The following SP140 variants were observed in gnomAD, a reference collection of about 807,000 sequenced individuals.
SP140 encodes the protein SP140 nuclear body protein.
SP140 carries 81 observed loss-of-function variants against 125.0 expected under a neutral mutation model. The ratio of observed to expected loss-of-function variants is 0.65; its 90% confidence interval spans 0.54 to 0.78. SP140 has a LOEUF of 0.78. Among genes scored for constraint, SP140 ranks in the 30% least tolerant of loss-of-function variants. The pLI, the probability that SP140 is intolerant of heterozygous loss-of-function variation, is 0.00. For missense variants in SP140, 858 were observed against 1,037.0 expected (o/e 0.83, Z 2.37); for synonymous variants, 312 against 354.0 (o/e 0.88, Z 1.33).
At chr2:230,232,866 A>G (rs945459207) in intron 1 of SP140, among the ~76,000 whole-genome samples, 5 of 152,144 alleles carry the variant, frequency 3.3e-5, no homozygotes, top group African/African-American at 9.7e-5. Context: ...TTTCCCCATT[A>G]GTAATCTTTA....
chr2:230,316,567 C>T (rs2059486047), downstream of SP140, among the ~76,000 whole-genome samples: 1 of 152,236 alleles, frequency 6.6e-6, no homozygotes, highest in South Asian at 2.1e-4. Flanking sequence ...TACAGCTCTA[C>T]ATCATCCTTG....
At chr2:230,257,988 ACTGT>A (rs2051538370) in intron 12 of SP140, among the ~76,000 whole-genome samples, 1 of 151,868 alleles carries the variant, frequency 6.6e-6, no homozygotes, top group Non-Finnish European at 1.5e-5. Flanking sequence ...GCTGTTACTG[ACTGT>A]CTGACTTTCA....
intron 22 of SP140, among the ~76,000 whole-genome samples, chr2:230,309,184 T>C (rs563647916): frequency 6.6e-6 from 1 of 152,358 alleles, no homozygotes; most frequent in African/African-American, 2.4e-5. Flanking sequence ...AGCTCTTTTA[T>C]GGGCCCAGGA....
chr2:230,308,723 C>T (rs979609344), intron 22 of SP140, among the ~76,000 whole-genome samples: 1 of 152,182 alleles, frequency 6.6e-6, no homozygotes, highest in Admixed American at 6.5e-5. Context: ...TTCAAAAATA[C>T]GCAGAAGGTG....
intron 22 of SP140, among the ~76,000 whole-genome samples, chr2:230,305,598 G>C (rs1421200611): frequency 6.6e-6 from 1 of 152,250 alleles, no homozygotes; most frequent in African/African-American, 2.4e-5. Flanking sequence ...CAGGCAGGGA[G>C]GGGTGAGCAG....
chr2:230,312,920 G>C lies in SP140; in HGVS notation c.*236G>C, dbSNP rs1471219841. ...AGTAAGTGGGATCACAGGGAAGGAT[G>C]TTGGCAGCGACACCATCCCATACAG... On this transcript the variant is annotated 3_prime_UTR_variant, in exon 27 of 27. Transcript: ENST00000392045. 2.5e-6 allele frequency: 1 copy of C among 400,924 alleles called. No individual in the cohort carries two copies. Among genetic ancestry groups the C allele is most frequent in the South Asian group, 2.4e-5 (1 of 42,500 alleles). The allele number at this position is 400,924 out of a possible 1,614,324, so 24.8% of individuals were successfully genotyped here.
Position 230,311,602 on chromosome 2 carries a change from G to A in SP140, c.2505+7G>A. 1 of 1,551,220 alleles carries A rather than the reference G, an allele frequency of 6.4e-7. No homozygotes were observed. Among genetic ancestry groups the A allele is most frequent in the Non-Finnish European group, 8.7e-7 (1 of 1,154,882 alleles). On this transcript the variant is annotated splice_region_variant and intron_variant, in intron 26 of 26. Transcript: ENST00000392045. The stretch of plus-strand genomic sequence containing the variant: ...CCACAGGGCCTCTTACAAGGTAGGT[G>A]GCTCTTCCTGCTTCCATTTCATTTC...
the SP140 span, among the ~76,000 whole-genome samples, chr2:230,190,965 C>T: frequency 5.9e-5 from 9 of 152,082 alleles, no homozygotes; most frequent in Admixed American, 1.3e-4. Context: ...GTAGCCTTGT[C>T]GTATTGTTCA....
Position 230,307,980 on chromosome 2 carries a change from T to C in SP140, c.2059-1944T>C, listed in dbSNP as rs1442430313. Among the ~76,000 whole-genome samples the C allele has an allele frequency of 5.6e-4, 54 of 96,088 alleles. 2 individuals carry two copies. The highest frequency in any genetic ancestry group is 8.9e-4 in the Non-Finnish European group (40 of 44,720). 63.0% of individuals were successfully genotyped at this position (96,088 alleles called of 152,430 possible). A position where few individuals can be genotyped will look rare whatever the true frequency, so the allele number is the denominator to read the frequency against. On this transcript the variant is annotated intron_variant, in intron 22 of 26. Coordinates refer to ENST00000392045, the MANE Select transcript of SP140 (RefSeq NM_007237.5). ...GTATATATATATATATATATATATA[T>C]ATATATATATACACACACACACACA...
At chr2:230,224,960 T>C (rs549688472), upstream of SP140, among the ~76,000 whole-genome samples, 2 of 152,254 alleles carry the variant, frequency 1.3e-5, no homozygotes, top group Admixed American at 6.5e-5. Flanking sequence ...TTTTGTAAAT[T>C]GTTTCAAATC....
At chr2:230,290,595 C>A in intron 19 of SP140, 31 bp downstream of exon 19, 1 of 1,531,146 alleles carries the variant, frequency 6.5e-7, no homozygotes. Context: ...TAATTTGCAG[C>A]TCCTATCTGA....
intron 5 of SP140, among the ~76,000 whole-genome samples, 183 bp from the exon 6 acceptor site, chr2:230,244,805 G>T (rs936797376): frequency 2.6e-5 from 4 of 152,092 alleles, no homozygotes; most frequent in Admixed American, 2.0e-4. Context: ...AAGGAGAAAG[G>T]AGGTAGCAGA....
chr2:230,192,584 G>A, the SP140 span, among the ~76,000 whole-genome samples: 1 of 152,112 alleles, frequency 6.6e-6, no homozygotes, highest in Non-Finnish European at 1.5e-5. Context: ...CAGAGGATGG[G>A]AAGGACCTCT....
intron 3 of SP140, 38 bp downstream of exon 3, chr2:230,238,419 C>T (rs141607841): frequency 1.3e-6 from 2 of 1,548,120 alleles, no homozygotes; most frequent in Non-Finnish European, 1.8e-6. Context: ...GGATTCAAGC[C>T]CATTTCATTC....
At chr2:230,316,005 C>G (rs1282957141), downstream of SP140, among the ~76,000 whole-genome samples, 1 of 152,176 alleles carries the variant, frequency 6.6e-6, no homozygotes, top group African/African-American at 2.4e-5. Context: ...GGTTGAGAAG[C>G]AATTCACATT....
chr2:230,227,890 GT>G (rs1053580620), intron 1 of SP140, among the ~76,000 whole-genome samples: 1 of 151,940 alleles, frequency 6.6e-6, no homozygotes, highest in African/African-American at 2.4e-5. Flanking sequence ...TTTCTCGAAT[GT>G]TTTCCTGTTT....
At chr2:230,271,768 C>G (rs2053964293) in intron 15 of SP140, among the ~76,000 whole-genome samples, 1 of 152,076 alleles carries the variant, frequency 6.6e-6, no homozygotes, top group Admixed American at 6.5e-5. Flanking sequence ...CTATCCAGGT[C>G]AAAAAACATG....
Position 230,247,993 on chromosome 2 carries a change from G to T in SP140, c.820G>T (p.Gly274Cys), listed in dbSNP as rs1298813575. 1.9e-6 allele frequency: 3 copies of T among 1,613,870 alleles called. No individual in the cohort carries two copies. Among genetic ancestry groups the T allele is most frequent in the Non-Finnish European group, 2.5e-6 (3 of 1,179,902 alleles). ...APGEKQGEEE[G>C]RNSPRKRNQD... ...AGGGGAGAAACAGGGAGAGGAGGAAGGCAGGAACAGTCCCAGAAAAAGAAA... is the reference window on the plus strand; with the variant it reads ...AGGGGAGAAACAGGGAGAGGAGGAATGCAGGAACAGTCCCAGAAAAAGAAA... Residue 274 changes from glycine (G) to cysteine (C), a missense_variant, in exon 8 of 27, where the codon GGC (glycine) becomes TGC (cysteine). Physicochemically the swap from Gly to Cys is radical, Grantham distance 159. This residue lies in a region of SP140 where 791 missense variants were observed against 869.5 expected (regional missense o/e 0.91). Transcript: ENST00000392045.
the SP140 span, among the ~76,000 whole-genome samples, chr2:230,194,428 G>C: frequency 4.6e-4 from 69 of 150,936 alleles, 1 homozygote; most frequent in African/African-American, 1.6e-3. Context: ...AGCAAGACCT[G>C]GTCTATACAA....
Sources: allele counts gnomAD v4.1 joint callset (sites outside exome capture counted in the v4.1 genomes callset), GRCh38; gene constraint gnomAD v4.1.1; regional missense constraint gnomAD v4.1.1; transcripts MANE v1.5; gene names NCBI Gene and HGNC (gene_info 2026-07-23, HGNC 2026-07-21).